KCNA7: variants seen among roughly 807,000 people sequenced by gnomAD.
KCNA7 encodes potassium voltage-gated channel subfamily A member 7.
In KCNA7, 15 loss-of-function variants were observed where a neutral mutation model predicts 21.5. That is an observed-to-expected ratio of 0.70 (90% CI 0.47 to 1.07). KCNA7 has a LOEUF of 1.07. Ranked by LOEUF, KCNA7 falls within the 50% of genes least tolerant of loss-of-function variation. The pLI, the probability that KCNA7 is intolerant of heterozygous loss-of-function variation, is 0.00. For synonymous variants in KCNA7, 298 were observed against 291.0 expected, an observed-to-expected ratio of 1.02 and a Z score of -0.24; for missense variants, 640 against 651.6, an observed-to-expected ratio of 0.98 and a Z score of 0.19.
rs58259114 is a variant in KCNA7 at position 49,070,057 on chromosome 19, T to C, written c.*6A>G. On this transcript the variant is annotated 3_prime_UTR_variant, in exon 2 of 2. Transcript: ENST00000221444. This position sits in a 1 kb window ranked among gnomAD's most constrained non-coding sequence, Gnocchi z 4.3. ...GGTGTGAGGTCCTGCAGACCTCAAC[T>C]GTTCCTCACACTTCGGTGACCAGGT... 9,060 of 1,524,322 alleles carry C rather than the reference T, an allele frequency of 5.9e-3. 424 individuals carry two copies. The African/African-American group carries it at 0.11, about 18-fold the overall frequency. 94.4% of individuals were successfully genotyped at this position (1,524,322 alleles called of 1,614,324 possible).
At position 49,069,854 on chromosome 19, in the gene KCNA7, C is replaced by T; in HGVS notation, c.*209G>A. 1 of 577,428 alleles carries T rather than the reference C, an allele frequency of 1.7e-6. No individual in the cohort carries two copies. Among genetic ancestry groups the T allele is most frequent in the Non-Finnish European group, 3.1e-6 (1 of 324,828 alleles). 35.8% of individuals were successfully genotyped at this position (577,428 alleles called of 1,614,324 possible). On this transcript the variant is annotated 3_prime_UTR_variant, in exon 2 of 2. Coordinates refer to ENST00000221444, the MANE Select transcript of KCNA7 (RefSeq NM_031886.3). ...GAGTCTTCATTAACACAACACAACCCATTGCCATTCGCTGCTGCTTCAGGA... is the reference window on the plus strand; with the variant it reads ...GAGTCTTCATTAACACAACACAACCTATTGCCATTCGCTGCTGCTTCAGGA...
In KCNA7 at chr19:49,070,080, G is replaced by A; in HGVS notation, c.1354C>T (p.Leu452=). 1 of 1,607,404 alleles carries A rather than the reference G, an allele frequency of 6.2e-7. No homozygotes were observed. The change falls in exon 2 of 2, where the codon CTG becomes TTG. Residue 452 remains leucine, a synonymous_variant. Coordinates refer to ENST00000221444, the MANE Select transcript of KCNA7 (RefSeq NM_031886.3). This position sits in a 1 kb window ranked among gnomAD's most constrained non-coding sequence, Gnocchi z 4.3. ...ACTGTTCCTCACACTTCGGTGACCAGGTGTTTCCCTGGGGGTGCCCAGAGT... is the reference window on the plus strand; with the variant it reads ...ACTGTTCCTCACACTTCGGTGACCAAGTGTTTCCCTGGGGGTGCCCAGAGT... The part of the protein sequence containing the change: ...PPLWAPPGKH[L]VTEV
rs1263283396 is a variant in KCNA7 at position 49,072,167 on chromosome 19, T to G, written c.419A>C (p.Gln140Pro). The G allele has an allele frequency of 6.2e-7, 1 of 1,611,878 alleles. No homozygotes were observed. The highest frequency in any genetic ancestry group is 1.3e-5 in the African/African-American group (1 of 74,916). ...WLLFEFPESS[Q>P]AARVLAVVSV... is the part of the protein sequence containing the mutation. ...GACTACGGCGAGCACGCGCGCGGCCTGAGAGCTCTCGGGAAACTCGAAAAG... is the reference window on the plus strand; with the variant it reads ...GACTACGGCGAGCACGCGCGCGGCCGGAGAGCTCTCGGGAAACTCGAAAAG... The change falls in exon 1 of 2, where the codon CAG (glutamine) becomes CCG (proline). Residue 140 changes from glutamine to proline, a missense_variant. Physicochemically the swap from Gln to Pro is moderately conservative, Grantham distance 76. Coordinates refer to ENST00000221444, the MANE Select transcript of KCNA7 (RefSeq NM_031886.3).
In KCNA7 at chr19:49,070,115, A is replaced by G. The variant is rs1452770450; in HGVS notation, c.1319T>C (p.Leu440Pro). 1 of 1,613,122 alleles carries G rather than the reference A, an allele frequency of 6.2e-7. No homozygotes were observed. Among genetic ancestry groups the G allele is most frequent in the South Asian group, 1.1e-5 (1 of 91,040 alleles). Residue 440 changes from leucine (L) to proline (P), a missense_variant, in exon 2 of 2, where the codon CTA becomes CCA. Coordinates refer to ENST00000221444, the MANE Select transcript of KCNA7 (RefSeq NM_031886.3). The surrounding 1 kb of genome is among the most constrained non-coding windows in gnomAD (Gnocchi z 4.3). ...GGLVDGEVPE[L>P]PPPLWAPPGK... ...TGGGGGTGCCCAGAGTGGAGGTGGT[A>G]GCTCAGGTACCTCCCCGTCCACCAG...
chr19:49,072,554 C>T lies in KCNA7; in HGVS notation c.32G>A (p.Cys11Tyr). The T allele has an allele frequency of 2.2e-6, 3 of 1,374,318 alleles. No homozygotes were observed. The East Asian group carries it at 9.4e-5, about 43-fold the overall frequency. The allele number at this position is 1,374,318 out of a possible 1,614,324, so 85.1% of individuals were successfully genotyped here. Residue 11 changes from cysteine (C) to tyrosine (Y), a missense_variant, in exon 1 of 2, where the codon TGC becomes TAC. Physicochemically the swap from Cys to Tyr is radical, Grantham distance 194. Coordinates refer to ENST00000221444, the MANE Select transcript of KCNA7 (RefSeq NM_031886.3). The part of the protein sequence containing the change: MEPRCPPPCG[C>Y]CERLVLNVAG... Reference sequence around the variant, plus strand: ...CACGTTGAGCACCAGCCGCTCGCAGCAGCCGCACGGCGGCGGGCACCGCGG... The same window carrying T: ...CACGTTGAGCACCAGCCGCTCGCAGTAGCCGCACGGCGGCGGGCACCGCGG...
chr19:49,067,570 G>C lies in KCNA7; in HGVS notation c.*2493C>G, dbSNP rs2040225626. ...CCTTGGGTAACACCTGCTGCTCTGA[G>C]CCTCAGTTTCCCCGTCTGTAAGAAA... On this transcript the variant is annotated 3_prime_UTR_variant, in exon 2 of 2. Coordinates refer to ENST00000221444, the MANE Select transcript of KCNA7 (RefSeq NM_031886.3). 6.6e-6 allele frequency: 1 copy of C among 152,212 alleles called. No individual in the cohort carries two copies. Among genetic ancestry groups the C allele is most frequent in the Admixed American group, 6.5e-5 (1 of 15,276 alleles). 9.4% of individuals were successfully genotyped at this position (152,212 alleles called of 1,614,324 possible). A position where few individuals can be genotyped will look rare whatever the true frequency, so the allele number is the denominator to read the frequency against.
At position 49,072,503 on chromosome 19, in the gene KCNA7, G is replaced by T. The variant is rs770702082; in HGVS notation, c.83C>A (p.Ala28Glu). 4.0e-5 allele frequency: 60 copies of T among 1,489,600 alleles called. 1 individual carries two copies. In the Middle Eastern group the frequency reaches 1.3e-3, roughly 32 times the overall value. 92.3% of individuals were successfully genotyped at this position (1,489,600 alleles called of 1,614,324 possible). The change falls in exon 1 of 2, where the codon GCG becomes GAG. Residue 28 changes from alanine (A) to glutamate (E), a missense_variant. Physicochemically the swap from Ala to Glu is moderately radical, Grantham distance 107. Transcript: ENST00000221444. ...GTCCGGGAAGCGGCCCAGCGTGCGC[G>T]CCCGCGTCTCGAAGCGCAGCCCGGC... ...NVAGLRFETR[A>E]RTLGRFPDTL... is the part of the protein sequence containing the mutation.
chr19:49,070,513 G>A lies in KCNA7; in HGVS notation c.921C>T (p.Ala307=), dbSNP rs2040249306. 1 of 1,614,196 alleles carries A rather than the reference G, an allele frequency of 6.2e-7. No homozygotes were observed. Among genetic ancestry groups the A allele is most frequent in the Non-Finnish European group, 8.5e-7 (1 of 1,180,038 alleles). ...GLQILGQTLR[A]SMRELGLLIF... is the part of the protein sequence containing the mutation. Reference sequence around the variant, plus strand: ...TGAGGAGGCCCAGCTCACGCATGGAGGCCCGAAGCGTCTGGCCCAAGATTT... The same window carrying A: ...TGAGGAGGCCCAGCTCACGCATGGAAGCCCGAAGCGTCTGGCCCAAGATTT... The change falls in exon 2 of 2, where the codon GCC becomes GCT. Residue 307 remains alanine (A), a synonymous_variant. Transcript: ENST00000221444. This position sits in a 1 kb window ranked among gnomAD's most constrained non-coding sequence, Gnocchi z 4.3.
chr19:49,070,531 C>T lies in KCNA7; in HGVS notation c.903G>A (p.Leu301=). The T allele has an allele frequency of 6.2e-7, 1 of 1,614,188 alleles. No individual in the cohort carries two copies. Among genetic ancestry groups the T allele is most frequent in the Non-Finnish European group, 8.5e-7 (1 of 1,180,042 alleles). ...LSRHSKGLQI[L]GQTLRASMRE... ...GCATGGAGGCCCGAAGCGTCTGGCC[C>T]AAGATTTGCAGGCCCTTTGAGTGCC... is the stretch of plus-strand genomic sequence containing the variant. Residue 301 remains leucine, a synonymous_variant, in exon 2 of 2, where the codon TTG becomes TTA. Transcript: ENST00000221444. The surrounding 1 kb of genome is among the most constrained non-coding windows in gnomAD (Gnocchi z 4.3).
In KCNA7 at chr19:49,072,042, C is replaced by A; in HGVS notation, c.544G>T (p.Ala182Ser). 1.9e-6 allele frequency: 3 copies of A among 1,601,688 alleles called. No homozygotes were observed. The highest frequency in any genetic ancestry group is 1.7e-5 in the Admixed American group (1 of 59,176). ...RDGTGLAAAAAAGPFPAPLNG... is the reference protein window; with the variant it reads ...RDGTGLAAAASAGPFPAPLNG... ...GCCCCGCCTCTCACCGGGCCGGCTG[C>A]GGCTGCAGCAGCAAGCCCCGTGCCG... The change falls in exon 1 of 2, where the codon GCA (alanine) becomes TCA (serine). Residue 182 changes from alanine to serine, a missense_variant. Transcript: ENST00000221444.
rs11666224 is a variant in KCNA7 at position 49,068,142 on chromosome 19, T to G, written c.*1921A>C. The G allele has an allele frequency of 0.15, 22,356 of 152,230 alleles. 2,076 individuals are homozygous for G. Among genetic ancestry groups the G allele is most frequent in the African/African-American group, 0.26 (10,579 of 41,468 alleles). 9.4% of individuals were successfully genotyped at this position (152,230 alleles called of 1,614,324 possible). On this transcript the variant is annotated 3_prime_UTR_variant, in exon 2 of 2. Coordinates refer to ENST00000221444, the MANE Select transcript of KCNA7 (RefSeq NM_031886.3). The stretch of plus-strand genomic sequence containing the variant: ...GTCTGGATCTCCTGACCTCGTAATT[T>G]GCCCACCTCGGCCTCCCAAAGTGCT...
In KCNA7 at chr19:49,070,955, C is replaced by T. The variant is rs2040253717; in HGVS notation, c.556-77G>A. 5 of 1,248,992 alleles carry T rather than the reference C, an allele frequency of 4.0e-6. No individual in the cohort carries two copies. In the South Asian group the frequency reaches 5.9e-5, roughly 15 times the overall value. 77.4% of individuals were successfully genotyped at this position (1,248,992 alleles called of 1,614,324 possible). Reference sequence around the variant, plus strand: ...GACAGCCTTAATCATCATTTAAATACCCAGCTCCTCTTTACACATTGGTCA... The same window carrying T: ...GACAGCCTTAATCATCATTTAAATATCCAGCTCCTCTTTACACATTGGTCA... On this transcript the variant is annotated intron_variant, in intron 1 of 1. Transcript: ENST00000221444. The surrounding 1 kb of genome is among the most constrained non-coding windows in gnomAD (Gnocchi z 4.3).
chr19:49,070,892 A>T lies in KCNA7; in HGVS notation c.556-14T>A. ...CGGAGCGGGGAACTGCAGGGAGGAAAGTGTTCAGGGAGGGTCAGGCTGGGG... is the reference window on the plus strand; with the variant it reads ...CGGAGCGGGGAACTGCAGGGAGGAATGTGTTCAGGGAGGGTCAGGCTGGGG... On this transcript the variant is annotated splice_polypyrimidine_tract_variant and intron_variant, in intron 1 of 1. Transcript: ENST00000221444. This position sits in a 1 kb window ranked among gnomAD's most constrained non-coding sequence, Gnocchi z 4.3. The T allele has an allele frequency of 6.2e-7, 1 of 1,604,358 alleles. No homozygotes were observed. The highest frequency in any genetic ancestry group is 8.5e-7 in the Non-Finnish European group (1 of 1,174,472).
Position 49,072,605 on chromosome 19 carries a change from AC to A in KCNA7, c.-21del. ...CTCCATGGCGCGCGCAGCCCCGGCG[AC>A]CCGCGAACCGACGTGTGGCCCCGAC... On this transcript the variant is annotated 5_prime_UTR_variant, in exon 1 of 2. Coordinates refer to ENST00000221444, the MANE Select transcript of KCNA7 (RefSeq NM_031886.3). 1 of 1,198,588 alleles carries A rather than the reference AC, an allele frequency of 8.3e-7. No individual in the cohort carries two copies. Among genetic ancestry groups the A allele is most frequent in the Non-Finnish European group, 1.0e-6 (1 of 970,216 alleles). The allele number at this position is 1,198,588 out of a possible 1,614,324, so 74.2% of individuals were successfully genotyped here. A position where few individuals can be genotyped will look rare whatever the true frequency, so the allele number is the denominator to read the frequency against.
chr19:49,070,864 C>T lies in KCNA7; in HGVS notation c.570G>A (p.Leu190=), dbSNP rs1305484271. ...TTCCAGGCATTTGGCTGGAGCCATT[C>T]AGCGGAGCGGGGAACTGCAGGGAGG... The part of the protein sequence containing the change: ...AAAAGPFPAP[L]NGSSQMPGNP... The change falls in exon 2 of 2, where the codon CTG becomes CTA. Residue 190 remains leucine (L), a synonymous_variant. Transcript: ENST00000221444. The surrounding 1 kb of genome is among the most constrained non-coding windows in gnomAD (Gnocchi z 4.3). The T allele has an allele frequency of 6.2e-7, 1 of 1,613,118 alleles. No individual in the cohort carries two copies. Among genetic ancestry groups the T allele is most frequent in the African/African-American group, 1.3e-5 (1 of 75,026 alleles).
Position 49,072,161 on chromosome 19 carries a change from G to T in KCNA7, c.425C>A (p.Ala142Glu), listed in dbSNP as rs1294530764. ...CACGGAGACTACGGCGAGCACGCGC[G>T]CGGCCTGAGAGCTCTCGGGAAACTC... Reference protein sequence around the residue: ...LFEFPESSQAARVLAVVSVLV... With the variant: ...LFEFPESSQAERVLAVVSVLV... Residue 142 changes from alanine to glutamate, a missense_variant, in exon 1 of 2, where the codon GCG (alanine) becomes GAG (glutamate). Transcript: ENST00000221444. 1.2e-6 allele frequency: 2 copies of T among 1,612,070 alleles called. No homozygotes were observed. The highest frequency in any genetic ancestry group is 1.7e-6 in the Non-Finnish European group (2 of 1,179,680).
At chr19:49,071,863 G>A (rs184788619) in intron 1 of KCNA7, among the ~76,000 whole-genome samples, 168 bp downstream of exon 1, 150 of 152,292 alleles carry the variant, frequency 9.8e-4, no homozygotes, top group Non-Finnish European at 1.3e-3. Context: ...TTCTGATGGG[G>A]CAGGTCCTCC....
In KCNA7 at chr19:49,067,474, G is replaced by T. The variant is rs1452378895; in HGVS notation, c.*2589C>A. ...ACCAAAGGAAGCCCTATATGTGTTA[G>T]TGATTTCAGCCTTCTTCCTCTAAAT... On this transcript the variant is annotated 3_prime_UTR_variant, in exon 2 of 2. Coordinates refer to ENST00000221444, the MANE Select transcript of KCNA7 (RefSeq NM_031886.3). 6.6e-6 allele frequency: 1 copy of T among 152,238 alleles called. No homozygotes were observed. The highest frequency in any genetic ancestry group is 2.4e-5 in the African/African-American group (1 of 41,460). 9.4% of individuals were successfully genotyped at this position (152,238 alleles called of 1,614,324 possible). A position where few individuals can be genotyped will look rare whatever the true frequency, so the allele number is the denominator to read the frequency against.
Position 49,070,824 on chromosome 19 carries a change from G to T in KCNA7, c.610C>A (p.Pro204Thr). 1 of 1,614,202 alleles carries T rather than the reference G, an allele frequency of 6.2e-7. No individual in the cohort carries two copies. The highest frequency in any genetic ancestry group is 8.5e-7 in the Non-Finnish European group (1 of 1,180,022). The change falls in exon 2 of 2, where the codon CCC becomes ACC. Residue 204 changes from proline to threonine, a missense_variant. Pro to Thr is a conservative substitution (Grantham distance 38). Transcript: ENST00000221444. This position sits in a 1 kb window ranked among gnomAD's most constrained non-coding sequence, Gnocchi z 4.3. ...ACCACGAAGAACGGGTCATTGAAGG[G>T]CAGGCGGGGTGGATTTCCAGGCATT... The part of the protein sequence containing the change: ...SQMPGNPPRL[P>T]FNDPFFVVET...
Sources: gnomAD v4.1 joint callset for allele counts (sites outside exome capture counted in the v4.1 genomes callset) on GRCh38, gnomAD v4.1.1 for gene constraint, Gnocchi (gnomAD v3.1) non-coding constraint, MANE v1.5 for transcripts, NCBI Gene and HGNC (gene_info 2026-07-23, HGNC 2026-07-21) for gene names.